The following PDE4B variants were observed in gnomAD, a reference collection of about 807,000 sequenced individuals.
The protein encoded by PDE4B is 3',5'-cyclic-AMP phosphodiesterase 4B.
Under a neutral mutation model 82.2 loss-of-function variants are expected in PDE4B, and 20 were observed. The ratio of observed to expected loss-of-function variants is 0.24; its 90% confidence interval spans 0.17 to 0.35. PDE4B has a LOEUF of 0.35. Among genes scored for constraint, PDE4B ranks in the 10% least tolerant of loss-of-function variants. The pLI is 1.00. For synonymous variants in PDE4B, 320 were observed against 318.9 expected (o/e 1.00, Z -0.04); for missense variants, 655 against 907.2 (o/e 0.72, Z 3.57).
chr1:65,843,253 C>T (rs186143973), intron 1 of PDE4B, among the ~76,000 whole-genome samples: 9 of 152,184 alleles, frequency 5.9e-5, no homozygotes, highest in South Asian at 2.1e-4. Flanking sequence ...TTCCAACACA[C>T]GAGAGACATA....
chr1:66,156,349 A>G (rs1646500843), intron 3 of PDE4B, among the ~76,000 whole-genome samples: 1 of 152,200 alleles, frequency 6.6e-6, no homozygotes, highest in Non-Finnish European at 1.5e-5. Context: ...ATGTCATCAT[A>G]AATATTTATA....
chr1:65,999,463 C>T (rs11208785), intron 3 of PDE4B, among the ~76,000 whole-genome samples: 241 of 152,246 alleles, frequency 1.6e-3, no homozygotes, highest in African/African-American at 5.6e-3. Flanking sequence ...GGCCTTTGCA[C>T]TTGGTTTTCT....
chr1:65,846,249 G>A (rs1646267073), intron 1 of PDE4B, among the ~76,000 whole-genome samples: 1 of 152,186 alleles, frequency 6.6e-6, no homozygotes, highest in Non-Finnish European at 1.5e-5. Context: ...AGAAAGCACA[G>A]AGAGAGGAGG....
intron 7 of PDE4B, among the ~76,000 whole-genome samples, chr1:66,285,105 A>G (rs1407784226): frequency 6.6e-6 from 1 of 152,128 alleles, no homozygotes; most frequent in Non-Finnish European, 1.5e-5. Context: ...TCACAACAAC[A>G]ATGTTTATTG....
At chr1:66,056,003 G>T (rs1655273216) in intron 3 of PDE4B, among the ~76,000 whole-genome samples, 1 of 152,100 alleles carries the variant, frequency 6.6e-6, no homozygotes, top group Non-Finnish European at 1.5e-5. Flanking sequence ...CACTTCCCTA[G>T]AACAAAATTT....
intron 1 of PDE4B, among the ~76,000 whole-genome samples, chr1:65,853,227 T>A (rs373394909): frequency 6.6e-6 from 1 of 152,118 alleles, no homozygotes; most frequent in South Asian, 2.1e-4. Flanking sequence ...TTGTGGTATA[T>A]CTTTTTTGTC....
intron 3 of PDE4B, among the ~76,000 whole-genome samples, chr1:66,210,595 C>CAAAAAAAAA (rs35825766): frequency 2.4e-4 from 11 of 45,786 alleles, no homozygotes; most frequent in East Asian, 6.1e-4. Flanking sequence ...GACTCCATCT[C>CAAAAAAAAA]AAAAAAAAAA....
At chr1:65,979,062 A>G (rs907942573) in intron 3 of PDE4B, among the ~76,000 whole-genome samples, 3 of 152,316 alleles carry the variant, frequency 2.0e-5, no homozygotes, top group Admixed American at 6.5e-5. Context: ...TGAGCTTTGA[A>G]AAACTGTGAA....
chr1:66,168,833 G>A (rs1646785645), intron 3 of PDE4B, among the ~76,000 whole-genome samples: 1 of 152,174 alleles, frequency 6.6e-6, no homozygotes, highest in Non-Finnish European at 1.5e-5. Flanking sequence ...CTGTGTACCT[G>A]TATTATTTTT....
chr1:66,029,990 G>A (rs1653673992), intron 3 of PDE4B, among the ~76,000 whole-genome samples: 1 of 150,236 alleles, frequency 6.7e-6, no homozygotes, highest in Admixed American at 6.6e-5. Flanking sequence ...CATAGTGACA[G>A]AATTGGTATT....
At chr1:65,882,668 T>C (rs1210164780) in intron 1 of PDE4B, among the ~76,000 whole-genome samples, 1 of 102,246 alleles carries the variant, frequency 9.8e-6, no homozygotes, top group Non-Finnish European at 2.0e-5. Context: ...TTATGGCAAC[T>C]ATTTGAAAAA....
chr1:66,088,980 C>A (rs1024106406), intron 3 of PDE4B, among the ~76,000 whole-genome samples: 17 of 152,114 alleles, frequency 1.1e-4, no homozygotes, highest in African/African-American at 3.9e-4. Context: ...TCCATATGAC[C>A]CACATTAGAC....
intron 7 of PDE4B, among the ~76,000 whole-genome samples, chr1:66,326,549 A>C (rs752701036): frequency 6.6e-6 from 1 of 152,154 alleles, no homozygotes; most frequent in Non-Finnish European, 1.5e-5. Flanking sequence ...CTGTTGCTGC[A>C]TGTGGCAATT....
chr1:66,079,738 A>G (rs1172607378), intron 3 of PDE4B, among the ~76,000 whole-genome samples: 2 of 152,162 alleles, frequency 1.3e-5, no homozygotes, highest in Non-Finnish European at 2.9e-5. Flanking sequence ...GTATAATGCA[A>G]CAAAGTGCTA....
chr1:65,839,348 C>T (rs10789203), intron 1 of PDE4B, among the ~76,000 whole-genome samples: 80,134 of 151,616 alleles, frequency 0.53, 21,398 homozygotes, highest in Non-Finnish European at 0.57. Flanking sequence ...TATACATGTG[C>T]CATGGTGGTT....
intron 1 of PDE4B, among the ~76,000 whole-genome samples, chr1:65,842,666 C>T (rs1347306042): frequency 6.6e-6 from 1 of 152,058 alleles, no homozygotes; most frequent in Non-Finnish European, 1.5e-5. Context: ...ATTTGCTGAA[C>T]AGATAAATAC....
At chr1:65,860,554 A>G (rs1027864142) in intron 1 of PDE4B, among the ~76,000 whole-genome samples, 2 of 152,224 alleles carry the variant, frequency 1.3e-5, no homozygotes, top group African/African-American at 4.8e-5. Flanking sequence ...TCCTTTGGGT[A>G]TATACCCAGT....
chr1:66,032,104 T>C (rs1653810003), intron 3 of PDE4B, among the ~76,000 whole-genome samples: 1 of 152,236 alleles, frequency 6.6e-6, no homozygotes, highest in Non-Finnish European at 1.5e-5. Context: ...AGCAGGTAGC[T>C]GAACTTCTCT....
chr1:65,872,992 C>A (rs771634065), intron 1 of PDE4B, among the ~76,000 whole-genome samples: 20 of 152,146 alleles, frequency 1.3e-4, no homozygotes, highest in Non-Finnish European at 2.5e-4. Context: ...TTCATTCATT[C>A]AAACATATTA....
Sources: allele counts gnomAD v4.1 joint callset (sites outside exome capture counted in the v4.1 genomes callset), GRCh38; gene constraint gnomAD v4.1.1; transcripts MANE v1.5; gene names NCBI Gene and HGNC (gene_info 2026-07-23, HGNC 2026-07-21).